GPC6: variants seen among roughly 807,000 people sequenced by gnomAD.
The protein encoded by GPC6 is glypican-6.
A neutral mutation model predicts 55.2 loss-of-function variants in GPC6; 14 were observed. The observed-to-expected ratio is 0.25, with a 90% CI of 0.17 to 0.40. The LOEUF (loss-of-function observed/expected upper bound fraction) is 0.40, where lower values mean the gene tolerates loss of function less well. Among genes scored for constraint, GPC6 ranks in the 10% least tolerant of loss-of-function variants. GPC6 has a pLI of 1.00. For synonymous variants in GPC6, 278 were observed against 259.6 expected (o/e 1.07, Z -0.68); for missense variants, 641 against 708.5 (o/e 0.90, Z 1.08).
intron 3 of GPC6, among the ~76,000 whole-genome samples, chr13:93,990,361 A>G (rs1881240890): frequency 6.6e-6 from 1 of 152,010 alleles, no homozygotes; most frequent in African/African-American, 2.4e-5. Context: ...TTTTGATGAA[A>G]CACTGTGACT....
At chr13:93,821,024 T>C (rs1420483833) in intron 2 of GPC6, among the ~76,000 whole-genome samples, 1 of 152,196 alleles carries the variant, frequency 6.6e-6, no homozygotes, top group Non-Finnish European at 1.5e-5. Flanking sequence ...ACTACAAGAA[T>C]TTAAAGGCAT....
intron 1 of GPC6, among the ~76,000 whole-genome samples, chr13:93,389,063 G>A (rs1215214856): frequency 6.6e-6 from 1 of 152,092 alleles, no homozygotes; most frequent in African/African-American, 2.4e-5. Context: ...TTCTTACTTG[G>A]TGTAATGATG....
At chr13:94,290,829 G>A (rs1478788890) in intron 5 of GPC6, among the ~76,000 whole-genome samples, 1 of 152,144 alleles carries the variant, frequency 6.6e-6, no homozygotes, top group Non-Finnish European at 1.5e-5. Context: ...TTATAGTATT[G>A]CTGTTAATAA....
intron 1 of GPC6, among the ~76,000 whole-genome samples, chr13:93,519,131 G>A (rs1486069566): frequency 7.2e-5 from 11 of 151,914 alleles, no homozygotes. Flanking sequence ...AAACTATCTG[G>A]CCTTTTGCAG....
intron 2 of GPC6, among the ~76,000 whole-genome samples, chr13:93,608,824 G>A (rs868704144): frequency 6.6e-6 from 1 of 152,288 alleles, no homozygotes. Flanking sequence ...AGTCAATTCT[G>A]CAAATGTCCC....
chr13:93,830,482 T>C lies in GPC6; in HGVS notation c.648T>C (p.Ile216=), dbSNP rs542261107. 1 of 1,613,928 alleles carries C rather than the reference T, an allele frequency of 6.2e-7. No homozygotes were observed. The highest frequency in any genetic ancestry group is 1.7e-5 in the Admixed American group (1 of 60,004). ...KLKIQVTRAF[I]AARTFVQGLT... ...AGATTCAGGTTACCCGCGCCTTCAT[T>C]GCTGCCAGGACCTTTGTCCAGGGGC... The change falls in exon 3 of 9, where the codon ATT becomes ATC. Residue 216 remains isoleucine (I), a synonymous_variant. Coordinates refer to ENST00000377047, the MANE Select transcript of GPC6 (RefSeq NM_005708.5).
At chr13:94,107,231 G>GA (rs1375927500) in intron 4 of GPC6, among the ~76,000 whole-genome samples, 1 of 152,114 alleles carries the variant, frequency 6.6e-6, no homozygotes, top group Non-Finnish European at 1.5e-5. Context: ...GTGATGAGGA[G>GA]AATAAAGTTG....
intron 3 of GPC6, among the ~76,000 whole-genome samples, chr13:93,833,235 G>A (rs556376942): frequency 5.1e-4 from 78 of 151,816 alleles, no homozygotes; most frequent in African/African-American, 1.8e-3. Flanking sequence ...AGGAATTTAA[G>A]TATTTTACCA....
intron 7 of GPC6, among the ~76,000 whole-genome samples, chr13:94,385,435 T>G (rs1880358902): frequency 6.6e-6 from 1 of 152,196 alleles, no homozygotes; most frequent in Non-Finnish European, 1.5e-5. Context: ...GGGAAGCCAT[T>G]GGAAGATTTT....
At chr13:94,401,459 G>T (rs1335687264) in intron 8 of GPC6, among the ~76,000 whole-genome samples, 2 of 152,254 alleles carry the variant, frequency 1.3e-5, no homozygotes, top group East Asian at 3.9e-4. Context: ...TGGAAATAGG[G>T]AAGAAAGCAA....
intron 2 of GPC6, among the ~76,000 whole-genome samples, chr13:93,702,958 C>T (rs928293070): frequency 4.6e-5 from 7 of 151,846 alleles, no homozygotes; most frequent in Non-Finnish European, 7.4e-5. Flanking sequence ...TCTTGTCATT[C>T]GTGTCTTTAT....
At chr13:93,259,634 G>T (rs1877069783) in intron 1 of GPC6, among the ~76,000 whole-genome samples, 1 of 151,868 alleles carries the variant, frequency 6.6e-6, no homozygotes, top group African/African-American at 2.4e-5. Context: ...CAGTCAGTTT[G>T]TTATTATAGG....
intron 3 of GPC6, among the ~76,000 whole-genome samples, chr13:93,850,358 A>G (rs1192777893): frequency 2.6e-5 from 4 of 151,942 alleles, no homozygotes; most frequent in African/African-American, 7.2e-5. Context: ...GGGCTAAGAT[A>G]GGTATTCATG....
intron 1 of GPC6, among the ~76,000 whole-genome samples, chr13:93,385,317 G>A (rs1875352259): frequency 6.6e-6 from 1 of 152,228 alleles, no homozygotes; most frequent in Non-Finnish European, 1.5e-5. Context: ...GGTTGGCAGG[G>A]GCCCTGTCAT....
intron 1 of GPC6, among the ~76,000 whole-genome samples, chr13:93,324,148 T>A (rs1566299261): frequency 6.6e-6 from 1 of 152,110 alleles, no homozygotes; most frequent in Non-Finnish European, 1.5e-5. Flanking sequence ...TGCAACAACA[T>A]GGATAGAATT....
At position 93,227,571 on chromosome 13, in the gene GPC6, G is replaced by T; in HGVS notation, c.115G>T (p.Ala39Ser). ...CGGAGAGGTCCGCCAGGCGTACGGT[G>T]CCAAGGGATTCAGCCTGGCGGACAT... is the stretch of plus-strand genomic sequence containing the variant. The part of the protein sequence containing the change: ...SCGEVRQAYG[A>S]KGFSLADIPY... Residue 39 changes from alanine (A) to serine (S), a missense_variant, in exon 1 of 9, where the codon GCC (alanine) becomes TCC (serine). Coordinates refer to ENST00000377047, the MANE Select transcript of GPC6 (RefSeq NM_005708.5). This position sits in a 1 kb window ranked among gnomAD's most constrained non-coding sequence, Gnocchi z 4.3. The T allele has an allele frequency of 6.2e-7, 1 of 1,612,164 alleles. No homozygotes were observed. Among genetic ancestry groups the T allele is most frequent in the Middle Eastern group, 1.7e-4 (1 of 5,956 alleles).
At chr13:94,129,392 G>C (rs139487156) in intron 4 of GPC6, among the ~76,000 whole-genome samples, 2 of 151,972 alleles carry the variant, frequency 1.3e-5, no homozygotes, top group Admixed American at 1.3e-4. Context: ...CCAATCAAAG[G>C]GACTTATGGA....
At chr13:93,783,398 T>G (rs1304771181) in intron 2 of GPC6, among the ~76,000 whole-genome samples, 1 of 18,896 alleles carries the variant, frequency 5.3e-5, no homozygotes, top group African/African-American at 3.0e-4. Context: ...ATCACCACAC[T>G]GTCCACACTG....
intron 3 of GPC6, among the ~76,000 whole-genome samples, chr13:94,018,233 T>C (rs954262781): frequency 2.6e-5 from 4 of 152,180 alleles, no homozygotes; most frequent in African/African-American, 9.7e-5. Flanking sequence ...CAGTTTCTTA[T>C]GTTGAATCAC....
Sources: gnomAD v4.1 joint callset for allele counts (sites outside exome capture counted in the v4.1 genomes callset) on GRCh38, gnomAD v4.1.1 for gene constraint, Gnocchi (gnomAD v3.1) non-coding constraint, MANE v1.5 for transcripts, NCBI Gene and HGNC (gene_info 2026-07-23, HGNC 2026-07-21) for gene names.